FAM53A: variants seen among roughly 807,000 people sequenced by gnomAD.
FAM53A encodes protein FAM53A.
Under a neutral mutation model 26.6 loss-of-function variants are expected in FAM53A, and 28 were observed. That is an observed-to-expected ratio of 1.05 (90% CI 0.78 to 1.45). FAM53A has a LOEUF of 1.45. FAM53A is among the 40% of genes most tolerant of loss of function. FAM53A has a pLI of 0.00. For synonymous variants in FAM53A, 290 were observed against 253.1 expected (o/e 1.15, Z -1.38); for missense variants, 650 against 575.8 (o/e 1.13, Z -1.32).
At chr4:1,599,565 A>G in the FAM53A span, among the ~76,000 whole-genome samples, 1 of 152,168 alleles carries the variant, frequency 6.6e-6, no homozygotes, top group Non-Finnish European at 1.5e-5. The surrounding 1 kb of genome is among the most constrained non-coding windows in gnomAD (Gnocchi z 6.1). Flanking sequence ...TGCAAATAGC[A>G]CAATTTTCAA....
chr4:1,618,595 GC>G (rs1714896517), intron 1 of FAM53A, among the ~76,000 whole-genome samples: 1 of 152,180 alleles, frequency 6.6e-6, no homozygotes, highest in Non-Finnish European at 1.5e-5. Context: ...GGGAGGGGAG[GC>G]TGTTTGGCAG....
chr4:1,643,422 G>T (rs971527471), intron 4 of FAM53A, among the ~76,000 whole-genome samples: 3 of 151,554 alleles, frequency 2.0e-5, no homozygotes, highest in East Asian at 2.0e-4. Flanking sequence ...GCCGAGATTG[G>T]GCCACTGCAC....
intron 1 of FAM53A, among the ~76,000 whole-genome samples, chr4:1,672,340 AGACCCATG>A (rs1355784950): frequency 1.8e-3 from 135 of 75,262 alleles, no homozygotes; most frequent in African/African-American, 4.4e-3. Flanking sequence ...AGGAACCCAT[AGACCCATG>A]GACCCAGGAA....
At chr4:1,642,186 C>G (rs997763430) in intron 4 of FAM53A, among the ~76,000 whole-genome samples, 3 of 152,188 alleles carry the variant, frequency 2.0e-5, no homozygotes, top group Admixed American at 1.3e-4. Context: ...CCTTCTCTGT[C>G]CTTGCACCTC....
At chr4:1,596,896 AG>A in the FAM53A span, among the ~76,000 whole-genome samples, 1 of 152,154 alleles carries the variant, frequency 6.6e-6, no homozygotes, top group Admixed American at 6.5e-5. Flanking sequence ...AGAGAGACAG[AG>A]GGAGAAACGG....
the FAM53A span, among the ~76,000 whole-genome samples, chr4:1,608,878 C>T: frequency 4.6e-5 from 7 of 152,136 alleles, no homozygotes; most frequent in African/African-American, 1.2e-4. Context: ...GGTGAATCCT[C>T]GTATGCTGGG....
At chr4:1,605,402 TG>T in the FAM53A span, among the ~76,000 whole-genome samples, 1 of 152,000 alleles carries the variant, frequency 6.6e-6, no homozygotes, top group Admixed American at 6.5e-5. The surrounding 1 kb of genome is among the most constrained non-coding windows in gnomAD (Gnocchi z 5.7). Context: ...TGACCCAGCC[TG>T]GAGTCGCCCA....
downstream of FAM53A, among the ~76,000 whole-genome samples, chr4:1,636,925 C>A (rs1039206896): frequency 6.6e-6 from 1 of 152,028 alleles, no homozygotes; most frequent in Non-Finnish European, 1.5e-5. Flanking sequence ...AGCGAAGGTG[C>A]CCCTCCAGTG....
chr4:1,642,836 C>T (rs372213016), intron 4 of FAM53A, among the ~76,000 whole-genome samples: 3 of 152,250 alleles, frequency 2.0e-5, no homozygotes, highest in Non-Finnish European at 4.4e-5. Context: ...GACCACACCA[C>T]GCTGGCTTCA....
the FAM53A span, among the ~76,000 whole-genome samples, chr4:1,577,246 T>G: frequency 1.3e-5 from 2 of 152,200 alleles, no homozygotes; most frequent in Non-Finnish European, 2.9e-5. Context: ...GGGGACCATG[T>G]GCCAGACGAA....
At chr4:1,599,836 G>T in the FAM53A span, among the ~76,000 whole-genome samples, 1 of 152,328 alleles carries the variant, frequency 6.6e-6, no homozygotes, top group East Asian at 1.9e-4. The surrounding 1 kb of genome is among the most constrained non-coding windows in gnomAD (Gnocchi z 6.1). Context: ...GTGGCGCTGA[G>T]TGTTGGCTCC....
chr4:1,609,987 T>C, the FAM53A span, among the ~76,000 whole-genome samples: 1 of 152,014 alleles, frequency 6.6e-6, no homozygotes, highest in South Asian at 2.1e-4. Flanking sequence ...CTCTTTCCTT[T>C]ATAAATTACA....
chr4:1,592,622 A>G, the FAM53A span, among the ~76,000 whole-genome samples: 1 of 152,140 alleles, frequency 6.6e-6, no homozygotes, highest in Non-Finnish European at 1.5e-5. Flanking sequence ...GGGCCAAGCC[A>G]GGGTGAGCCC....
intron 1 of FAM53A, among the ~76,000 whole-genome samples, chr4:1,680,343 A>AAAT (rs1715348118): frequency 6.6e-6 from 1 of 151,116 alleles, no homozygotes; most frequent in Non-Finnish European, 1.5e-5. Context: ...AAAAAAAAAA[A>AAAT]AACACACCAC....
At chr4:1,639,064 C>A (rs546321877), downstream of FAM53A, among the ~76,000 whole-genome samples, 109 of 152,302 alleles carry the variant, frequency 7.2e-4, no homozygotes, top group African/African-American at 2.5e-3. Flanking sequence ...ATCTCTGACG[C>A]CCTCCCCGAC....
At chr4:1,638,224 A>G (rs1335020443), downstream of FAM53A, among the ~76,000 whole-genome samples, 2 of 152,002 alleles carry the variant, frequency 1.3e-5, no homozygotes, top group Non-Finnish European at 2.9e-5. Flanking sequence ...GGAAACACGC[A>G]GACACGCCCA....
chr4:1,606,034 A>G, the FAM53A span, among the ~76,000 whole-genome samples: 1 of 140,396 alleles, frequency 7.1e-6, no homozygotes, highest in Non-Finnish European at 1.5e-5. Context: ...CGGGTTTCCT[A>G]TGACTCTTTT....
chr4:1,629,632 C>T (rs1015042413), intron 1 of FAM53A, among the ~76,000 whole-genome samples: 7 of 152,226 alleles, frequency 4.6e-5, no homozygotes, highest in Non-Finnish European at 8.8e-5. Context: ...TAAGGCAGGG[C>T]CTTGCCAGTG....
chr4:1,599,059 C>T, the FAM53A span, among the ~76,000 whole-genome samples: 1 of 152,256 alleles, frequency 6.6e-6, no homozygotes, highest in South Asian at 2.1e-4. The surrounding 1 kb of genome is among the most constrained non-coding windows in gnomAD (Gnocchi z 6.1). Context: ...GCAGACCCTT[C>T]GTCACCGAGG....
Sources: allele counts gnomAD v4.1 joint callset (sites outside exome capture counted in the v4.1 genomes callset), GRCh38; gene constraint gnomAD v4.1.1; non-coding constraint Gnocchi (gnomAD v3.1); transcripts MANE v1.5; gene names NCBI Gene and HGNC (gene_info 2026-07-23, HGNC 2026-07-21).